The following DPYD variants were observed in gnomAD, a reference collection of about 807,000 sequenced individuals.
DPYD encodes the protein dihydropyrimidine dehydrogenase, also known as dihydropyrimidine dehydrogenase [NADP(+)].
DPYD carries 109 observed loss-of-function variants against 116.2 expected under a neutral mutation model. The observed-to-expected ratio is 0.94, with a 90% CI of 0.80 to 1.10. The LOEUF is 1.10. Ranked by LOEUF, DPYD falls within the 50% of genes least tolerant of loss-of-function variation. The pLI, the probability that DPYD is intolerant of heterozygous loss-of-function variation, is 0.00. For missense variants in DPYD, 1,302 were observed against 1,254.5 expected, an observed-to-expected ratio of 1.04 and a Z score of -0.57; for synonymous variants, 440 against 432.0, an observed-to-expected ratio of 1.02 and a Z score of -0.23.
intron 3 of DPYD, among the ~76,000 whole-genome samples, chr1:97,783,921 C>T (rs74443656): frequency 0.021 from 3,131 of 152,208 alleles, 61 homozygotes; most frequent in Non-Finnish European, 0.03. Context: ...ATAATGGTTC[C>T]CATGACAATA....
At chr1:97,394,152 T>A (rs1371900766) in intron 14 of DPYD, 1 of 152,162 alleles carries the variant, frequency 6.6e-6, no homozygotes, top group African/African-American at 2.4e-5. Flanking sequence ...TGATTTTTTC[T>A]TGTAAATTTG....
intron 5 of DPYD, among the ~76,000 whole-genome samples, chr1:97,718,054 C>T (rs1291989746): frequency 1.3e-5 from 2 of 152,158 alleles, no homozygotes; most frequent in East Asian, 1.9e-4. Context: ...CACTGTTTTC[C>T]ATAGTGGTTG....
chr1:97,173,380 A>G (rs745482718), intron 20 of DPYD, among the ~76,000 whole-genome samples: 16 of 150,682 alleles, frequency 1.1e-4, no homozygotes, highest in East Asian at 3.9e-4. Context: ...ATATGTGTGT[A>G]TATACGTACA....
intron 13 of DPYD, among the ~76,000 whole-genome samples, chr1:97,508,820 G>C (rs1647555978): frequency 6.6e-6 from 1 of 151,874 alleles, no homozygotes; most frequent in South Asian, 2.1e-4. Context: ...AACCTGATCT[G>C]GTCTTGTGAT....
intron 4 of DPYD, among the ~76,000 whole-genome samples, chr1:97,732,286 C>G (rs2101050823): frequency 6.6e-6 from 1 of 152,076 alleles, no homozygotes; most frequent in East Asian, 1.9e-4. Context: ...ACCATCCTAG[C>G]TAACACGGTG....
chr1:97,560,418 A>T (rs563145689), intron 11 of DPYD, among the ~76,000 whole-genome samples: 128 of 152,258 alleles, frequency 8.4e-4, no homozygotes, highest in Non-Finnish European at 1.4e-3. Flanking sequence ...AGTAAAGGCA[A>T]AAAACAGAAT....
intron 1 of DPYD, among the ~76,000 whole-genome samples, chr1:97,920,466 G>C (rs1674450485): frequency 6.6e-6 from 1 of 152,158 alleles, no homozygotes; most frequent in Non-Finnish European, 1.5e-5. Flanking sequence ...TCAGCTATTG[G>C]AAATGGGGGC....
At chr1:97,751,772 AT>A (rs71071670) in intron 3 of DPYD, among the ~76,000 whole-genome samples, 2 of 144,870 alleles carry the variant, frequency 1.4e-5, no homozygotes. Flanking sequence ...TCTAAAAACG[AT>A]TTTTTTTTTT....
intron 1 of DPYD, among the ~76,000 whole-genome samples, chr1:97,886,175 C>T (rs1672475354): frequency 6.6e-6 from 1 of 152,086 alleles, no homozygotes; most frequent in Admixed American, 6.6e-5. Flanking sequence ...CACACCACTT[C>T]AGTCCAGTGT....
intron 10 of DPYD, among the ~76,000 whole-genome samples, chr1:97,588,853 A>G (rs577178882): frequency 5.9e-5 from 9 of 152,262 alleles, no homozygotes; most frequent in South Asian, 2.1e-4. Flanking sequence ...CATCAAACCT[A>G]TATCCTTTAG....
intron 21 of DPYD, among the ~76,000 whole-genome samples, chr1:97,089,236 A>G (rs1197104959): frequency 2.0e-5 from 3 of 152,216 alleles, no homozygotes; most frequent in East Asian, 3.9e-4. Flanking sequence ...CGGCTTCATA[A>G]AGAGAATGAG....
chr1:97,755,711 T>G (rs1002638834), intron 3 of DPYD, among the ~76,000 whole-genome samples: 2 of 152,230 alleles, frequency 1.3e-5, no homozygotes, highest in African/African-American at 4.8e-5. Context: ...TCCAGCTCTA[T>G]TATTAGCTTT....
At chr1:97,497,140 G>A (rs1679311739) in intron 13 of DPYD, among the ~76,000 whole-genome samples, 1 of 151,794 alleles carries the variant, frequency 6.6e-6, no homozygotes, top group African/African-American at 2.4e-5. Flanking sequence ...AACGACAATT[G>A]ATTCAGACTC....
intron 18 of DPYD, among the ~76,000 whole-genome samples, chr1:97,249,521 A>G (rs1662940772): frequency 6.6e-6 from 1 of 152,100 alleles, no homozygotes; most frequent in Admixed American, 6.5e-5. Flanking sequence ...TCCTAGGGAG[A>G]AGAAAAGGAG....
At chr1:97,100,057 C>A (rs767944921) in intron 20 of DPYD, among the ~76,000 whole-genome samples, 2 of 152,008 alleles carry the variant, frequency 1.3e-5, no homozygotes, top group Non-Finnish European at 1.5e-5. Flanking sequence ...CATCTCTACA[C>A]CTTAATGCTT....
Position 97,251,387 on chromosome 1 carries a change from TGTCTAAA to T in DPYD, c.2300-16400_2300-16394del, listed in dbSNP as rs1395776640. On this transcript the variant is annotated intron_variant, in intron 18 of 22. Transcript: ENST00000370192. The stretch of plus-strand genomic sequence containing the variant: ...AGCCTGGCCAACAAGAGTGAAACTC[TGTCTAAA>T]AAAAAAAAAAAAAAAAAAAGAAAGA... 1.6e-4 allele frequency among the ~76,000 whole-genome samples: 14 copies of T among 89,768 alleles called. No homozygotes were observed. In the Admixed American group the frequency reaches 1.8e-3, roughly 12 times the overall value. The allele number at this position is 89,768 out of a possible 152,430, so 58.9% of individuals were successfully genotyped here. A position where few individuals can be genotyped will look rare whatever the true frequency, so the allele number is the denominator to read the frequency against.
Position 97,290,807 on chromosome 1 carries a change from A to C in DPYD, c.2299+14452T>G, listed in dbSNP as rs2100982574. 1.3e-5 allele frequency among the ~76,000 whole-genome samples: 2 copies of C among 152,336 alleles called. 1 individual carries two copies. Among genetic ancestry groups the C allele is most frequent in the South Asian group, 4.1e-4 (2 of 4,830 alleles). On this transcript the variant is annotated intron_variant, in intron 18 of 22. Coordinates refer to ENST00000370192, the MANE Select transcript of DPYD (RefSeq NM_000110.4). ...ACTTCATGTCTAAAACACCAAAAGC[A>C]ATGGCAACAAAAGCCAGAGTTAACA...
chr1:97,222,635 C>T (rs557871126), intron 19 of DPYD, among the ~76,000 whole-genome samples: 38 of 152,168 alleles, frequency 2.5e-4, no homozygotes, highest in Admixed American at 2.1e-3. Context: ...ATAACTGACA[C>T]AGCAATTAGA....
At chr1:97,525,892 G>A (rs1288972389) in intron 12 of DPYD, among the ~76,000 whole-genome samples, 1 of 140,176 alleles carries the variant, frequency 7.1e-6, no homozygotes, top group Non-Finnish European at 1.6e-5. Flanking sequence ...GTGTGCGCGC[G>A]CGCGTGTGTG....
Sources: gnomAD v4.1 joint callset for allele counts (sites outside exome capture counted in the v4.1 genomes callset) on GRCh38, gnomAD v4.1.1 for gene constraint, MANE v1.5 for transcripts, NCBI Gene and HGNC (gene_info 2026-07-23, HGNC 2026-07-21) for gene names.